Variants in ASIC2 observed in about 807,000 individuals in gnomAD.
ASIC2 encodes acid-sensing ion channel 2.
ASIC2 carries 25 observed loss-of-function variants against 57.3 expected under a neutral mutation model. That is an observed-to-expected ratio of 0.44 (90% CI 0.32 to 0.61). The LOEUF is 0.61. Ranked by LOEUF, ASIC2 falls within the 20% of genes least tolerant of loss-of-function variation. The pLI is 0.06. For synonymous variants in ASIC2, 319 were observed against 307.5 expected (o/e 1.04, Z -0.39); for missense variants, 641 against 738.1 (o/e 0.87, Z 1.52).
intron 1 of ASIC2, among the ~76,000 whole-genome samples, chr17:33,645,448 A>C (rs576176535): frequency 6.6e-6 from 1 of 152,312 alleles, no homozygotes; most frequent in Admixed American, 6.5e-5. Flanking sequence ...CCAGGTCATA[A>C]AGATTGCATT....
At position 33,811,668 on chromosome 17, in the gene ASIC2, A is replaced by G. The variant is rs571546497; in HGVS notation, c.555+344310T>C. Among the ~76,000 whole-genome samples, 7 of 152,300 alleles carry G rather than the reference A, an allele frequency of 4.6e-5. No homozygotes were observed. In the South Asian group the frequency reaches 1.5e-3, roughly 32 times the overall value. ...GAGGGTCTGCTCTTACATTGGCTTT[A>G]GAACCTGAGACATAGTCTACTGAAC... On this transcript the variant is annotated intron_variant, in intron 1 of 9. Transcript: ENST00000359872.
Position 33,292,946 on chromosome 17 carries a change from A to G in ASIC2, c.-831T>C. 7 of 985,478 alleles carry G rather than the reference A, an allele frequency of 7.1e-6. No individual in the cohort carries two copies. The highest frequency in any genetic ancestry group is 8.4e-6 in the Non-Finnish European group (7 of 829,974). 61.0% of individuals were successfully genotyped at this position (985,478 alleles called of 1,614,324 possible). ...GCCGCCGGGGTCCTTCAAGGATGCT[A>G]GCCGCAGGGAAGTGTCGCTTCTCGC... On this transcript the variant is annotated 5_prime_UTR_variant, in exon 1 of 10. Coordinates refer to ENST00000225823, the MANE Select transcript of ASIC2 (RefSeq NM_183377.2).
rs188178722 is a variant in ASIC2 at position 33,451,203 on chromosome 17, C to T, written c.556-339136G>A. Among the ~76,000 whole-genome samples the T allele has an allele frequency of 1.9e-3, 290 of 151,972 alleles. 2 individuals carry two copies. Among genetic ancestry groups the T allele is most frequent in the Non-Finnish European group, 5.6e-4 (38 of 67,976 alleles). On this transcript the variant is annotated intron_variant, in intron 1 of 9. Coordinates refer to the ASIC2 transcript ENST00000359872. ...ACCCGAGTAGCTGGGATTACAGGCA[C>T]CCACCACTACACCTGGCTAATTTTT...
At chr17:33,777,488 G>C (rs1174447540) in intron 1 of ASIC2, among the ~76,000 whole-genome samples, 1 of 152,106 alleles carries the variant, frequency 6.6e-6, no homozygotes, top group Non-Finnish European at 1.5e-5. Flanking sequence ...AGGCTGCCAA[G>C]GAAAGTCCCC....
chr17:33,578,998 G>A (rs1046351858), intron 1 of ASIC2, among the ~76,000 whole-genome samples: 6 of 152,084 alleles, frequency 3.9e-5, no homozygotes, highest in South Asian at 2.1e-4. Context: ...TAGAATGCAG[G>A]TTAATGGTCA....
intron 3 of ASIC2, among the ~76,000 whole-genome samples, chr17:33,034,389 C>T (rs2091899963): frequency 6.6e-6 from 1 of 152,114 alleles, no homozygotes; most frequent in Non-Finnish European, 1.5e-5. Context: ...ATCAGCTACT[C>T]ATGAGGCTGA....
chr17:33,777,619 T>C (rs989604284), intron 1 of ASIC2, among the ~76,000 whole-genome samples: 1 of 151,890 alleles, frequency 6.6e-6, no homozygotes, highest in East Asian at 1.9e-4. Flanking sequence ...GTTTGACAAA[T>C]TGCCATTTGG....
intron 1 of ASIC2, among the ~76,000 whole-genome samples, chr17:33,236,487 G>C (rs530903985): frequency 6.6e-6 from 1 of 152,176 alleles, no homozygotes; most frequent in South Asian, 2.1e-4. Flanking sequence ...TAGACTACAG[G>C]TGCACGCTAC....
intron 1 of ASIC2, among the ~76,000 whole-genome samples, chr17:33,974,992 C>T (rs1336947541): frequency 6.6e-6 from 1 of 152,160 alleles, no homozygotes; most frequent in Non-Finnish European, 1.5e-5. Context: ...TGTTGGCCAT[C>T]TCTCCCCACT....
At chr17:33,931,539 C>T (rs1915931500) in intron 1 of ASIC2, among the ~76,000 whole-genome samples, 1 of 152,188 alleles carries the variant, frequency 6.6e-6, no homozygotes, top group African/African-American at 2.4e-5. Flanking sequence ...GAGGGGTGGT[C>T]TCCTCCCTTA....
intron 1 of ASIC2, among the ~76,000 whole-genome samples, chr17:33,852,610 G>A (rs573346539): frequency 3.3e-5 from 5 of 152,296 alleles, no homozygotes; most frequent in East Asian, 1.9e-4. Flanking sequence ...CTTTTGTGAC[G>A]AGTTAAGTGA....
intron 3 of ASIC2, among the ~76,000 whole-genome samples, chr17:33,043,480 G>T (rs984249365): frequency 6.6e-6 from 1 of 152,186 alleles, no homozygotes; most frequent in African/African-American, 2.4e-5. Flanking sequence ...CAAACCAGGG[G>T]ACTGCTCCCC....
intron 1 of ASIC2, among the ~76,000 whole-genome samples, chr17:33,380,598 G>A (rs1909452782): frequency 6.6e-6 from 1 of 152,204 alleles, no homozygotes; most frequent in African/African-American, 2.4e-5. Flanking sequence ...TCTAGGCCAA[G>A]CTGTCGCTGG....
At position 34,038,330 on chromosome 17, in the gene ASIC2, G is replaced by C. The variant is rs1907970869; in HGVS notation, c.555+117648C>G. 6 of 1,610,436 alleles carry C rather than the reference G, an allele frequency of 3.7e-6. No homozygotes were observed. The South Asian group carries it at 6.6e-5, about 18-fold the overall frequency. The stretch of plus-strand genomic sequence containing the variant: ...TTCTAATACTGTACAAAACGAGTCA[G>C]TATCCAGTGAAAAGTAATCATACAG... On this transcript the variant is annotated intron_variant, in intron 1 of 9. Coordinates refer to the ASIC2 transcript ENST00000359872.
At chr17:33,469,715 G>T (rs1023207274) in intron 1 of ASIC2, among the ~76,000 whole-genome samples, 9 of 152,180 alleles carry the variant, frequency 5.9e-5, no homozygotes, top group African/African-American at 1.7e-4. Context: ...TCCCTTCAGG[G>T]TTAGCTGAGG....
At chr17:34,135,804 ACAATC>A (rs1333558447) in intron 1 of ASIC2, among the ~76,000 whole-genome samples, 3 of 152,164 alleles carry the variant, frequency 2.0e-5, no homozygotes, top group Non-Finnish European at 4.4e-5. Flanking sequence ...TAATAGTAAA[ACAATC>A]AAACAGAAGC....
In ASIC2 at chr17:33,131,382, A is replaced by G. The variant is rs140699542; in HGVS notation, c.709-19315T>C. On this transcript the variant is annotated intron_variant, in intron 1 of 9. Transcript: ENST00000225823. ...CTGGATCCCTCCCCTCTCTCATAAA[A>G]CTGCATGATGCTGGAAAGCTGTGTG... Among the ~76,000 whole-genome samples, 314 of 152,188 alleles carry G rather than the reference A, an allele frequency of 2.1e-3. 1 individual carries two copies. The highest frequency in any genetic ancestry group is 7.4e-3 in the African/African-American group (306 of 41,506).
At chr17:33,695,869 G>A (rs1908510250) in intron 1 of ASIC2, among the ~76,000 whole-genome samples, 1 of 152,106 alleles carries the variant, frequency 6.6e-6, no homozygotes, top group African/African-American at 2.4e-5. Flanking sequence ...ACACATATCT[G>A]TTAAAAAATA....
intron 1 of ASIC2, among the ~76,000 whole-genome samples, chr17:34,110,591 C>G (rs1208747702): frequency 6.6e-6 from 1 of 152,124 alleles, no homozygotes; most frequent in Non-Finnish European, 1.5e-5. Flanking sequence ...AGGCATATGT[C>G]AAATCCAATT....
Sources: allele counts gnomAD v4.1 joint callset (sites outside exome capture counted in the v4.1 genomes callset), GRCh38; gene constraint gnomAD v4.1.1; transcripts MANE v1.5; gene names NCBI Gene and HGNC (gene_info 2026-07-23, HGNC 2026-07-21).